Variants in NFASC observed in about 807,000 individuals in gnomAD.
NFASC encodes the protein neurofascin homolog.
NFASC carries 43 observed loss-of-function variants against 147.5 expected under a neutral mutation model. That is an observed-to-expected ratio of 0.29 (90% CI 0.23 to 0.38). The LOEUF (loss-of-function observed/expected upper bound fraction) is 0.38. Ranked by LOEUF, NFASC falls within the 10% of genes least tolerant of loss-of-function variation. The pLI is 1.00. For missense variants in NFASC, 1,320 were observed against 1,689.0 expected (o/e 0.78, Z 3.83); for synonymous variants, 622 against 665.5 (o/e 0.93, Z 1.01).
intron 1 of NFASC, among the ~76,000 whole-genome samples, chr1:204,830,564 A>G (rs1671910058): frequency 6.6e-6 from 1 of 151,488 alleles, no homozygotes; most frequent in African/African-American, 2.4e-5. Flanking sequence ...TTTGGATTCA[A>G]CTGAAGGGGT....
intron 1 of NFASC, among the ~76,000 whole-genome samples, chr1:204,898,479 T>C (rs2083834813): frequency 6.6e-6 from 1 of 152,152 alleles, no homozygotes; most frequent in Admixed American, 6.5e-5. Flanking sequence ...GAAGTAGACC[T>C]CTCTCTGAGG....
Position 205,015,554 on chromosome 1 carries a change from C to T in NFASC, c.3492-754C>T, listed in dbSNP as rs571325502. ...TTACTCGGCAGCCTCCCAGCTCTCCCTGCACAAGGGGAGCTTAGGGTCAGG... is the reference window on the plus strand; with the variant it reads ...TTACTCGGCAGCCTCCCAGCTCTCCTTGCACAAGGGGAGCTTAGGGTCAGG... On this transcript the variant is annotated intron_variant, in intron 29 of 29. Coordinates refer to ENST00000339876, the MANE Select transcript of NFASC (RefSeq NM_001005388.3). This position sits in a 1 kb window ranked among gnomAD's most constrained non-coding sequence, Gnocchi z 4.0. 6.6e-6 allele frequency among the ~76,000 whole-genome samples: 1 copy of T among 152,268 alleles called. No homozygotes were observed. Among genetic ancestry groups the T allele is most frequent in the South Asian group, 2.1e-4 (1 of 4,824 alleles).
At chr1:204,874,537 G>A (rs541048570) in intron 1 of NFASC, among the ~76,000 whole-genome samples, 4 of 152,256 alleles carry the variant, frequency 2.6e-5, no homozygotes, top group East Asian at 1.9e-4. Context: ...CCCTGCCCCC[G>A]GTTCCCATTC....
At chr1:204,864,120 CAT>C (rs2076925696) in intron 1 of NFASC, among the ~76,000 whole-genome samples, 1 of 152,214 alleles carries the variant, frequency 6.6e-6, no homozygotes, top group African/African-American at 2.4e-5. Context: ...TAAATGGAAT[CAT>C]ACAGTATTTG....
chr1:204,869,976 A>G (rs905670182), intron 1 of NFASC, among the ~76,000 whole-genome samples: 1 of 152,236 alleles, frequency 6.6e-6, no homozygotes, highest in African/African-American at 2.4e-5. Flanking sequence ...AATGAAGGGT[A>G]TAAACATTTT....
At chr1:204,911,591 T>G (rs1195729343) in intron 1 of NFASC, among the ~76,000 whole-genome samples, 1 of 152,158 alleles carries the variant, frequency 6.6e-6, no homozygotes, top group African/African-American at 2.4e-5. Context: ...TGTTTCATCT[T>G]CTTTTTAAAT....
At chr1:204,924,556 C>T (rs954419552) in intron 2 of NFASC, among the ~76,000 whole-genome samples, 2 of 152,168 alleles carry the variant, frequency 1.3e-5, no homozygotes, top group African/African-American at 4.8e-5. Context: ...GGGTGGAGTG[C>T]TTTGCTTGTA....
chr1:205,008,556 G>A (rs1449092620), intron 27 of NFASC: 1 of 152,322 alleles, frequency 6.6e-6, no homozygotes, highest in Non-Finnish European at 1.5e-5. Flanking sequence ...TTGTTCTCCA[G>A]CCGGTAGAAA....
At position 205,001,212 on chromosome 1, in the gene NFASC, A is replaced by G. The variant is rs752814963; in HGVS notation, c.3062A>G (p.Asn1021Ser). ...ATATGGAACGTCACGGTGCTCCCCA[A>G]CAGTAAATGGGCCAACATCACCTGG... ...QSIWNVTVLP[N>S]SKWANITWKH... is the part of the protein sequence containing the mutation. Residue 1021 changes from asparagine (N) to serine (S), a missense_variant, in exon 26 of 30, where the codon AAC becomes AGC. By Grantham distance (46) the Asn-to-Ser change is conservative. Around this residue, in one of 3 missense-constraint regions of NFASC, gnomAD observed 172 missense variants for 165.8 expected, o/e 1.04. Transcript: ENST00000339876. The G allele has an allele frequency of 9.3e-6, 15 of 1,612,578 alleles. No individual in the cohort carries two copies. The highest frequency in any genetic ancestry group is 5.0e-5 in the Admixed American group (3 of 59,848).
chr1:205,003,943 G>A (rs780232986), intron 27 of NFASC, among the ~76,000 whole-genome samples: 5 of 151,698 alleles, frequency 3.3e-5, no homozygotes, highest in Admixed American at 6.6e-5. Context: ...TCTGAGAGTC[G>A]GGCTCCCTGA....
At chr1:204,965,030 G>A (rs142716906) in intron 8 of NFASC, among the ~76,000 whole-genome samples, 10 of 152,332 alleles carry the variant, frequency 6.6e-5, no homozygotes, top group East Asian at 5.8e-4. Context: ...CACAGCTTAC[G>A]AGAGCAGGAG....
chr1:204,911,086 T>A (rs534521185), intron 1 of NFASC, among the ~76,000 whole-genome samples: 1 of 152,204 alleles, frequency 6.6e-6, no homozygotes, highest in African/African-American at 2.4e-5. Flanking sequence ...AAACGTTTTT[T>A]AAAAAATCAC....
At position 204,954,459 on chromosome 1, in the gene NFASC, C is replaced by T; in HGVS notation, c.412+75C>T. The T allele has an allele frequency of 3.3e-5, 47 of 1,424,860 alleles. No homozygotes were observed. The highest frequency in any genetic ancestry group is 4.2e-5 in the Non-Finnish European group (44 of 1,037,298). 88.3% of individuals were successfully genotyped at this position (1,424,860 alleles called of 1,614,324 possible). On this transcript the variant is annotated intron_variant, in intron 6 of 29. Coordinates refer to ENST00000339876, the MANE Select transcript of NFASC (RefSeq NM_001005388.3). This position sits in a 1 kb window ranked among gnomAD's most constrained non-coding sequence, Gnocchi z 5.7. Reference sequence around the variant, plus strand: ...GAGTGGGGGGTGTGGAAGGCCATTCCAGAAGGGCTGCCCCTGCCCTTGGCC... The same window carrying T: ...GAGTGGGGGGTGTGGAAGGCCATTCTAGAAGGGCTGCCCCTGCCCTTGGCC...
intron 7 of NFASC, among the ~76,000 whole-genome samples, chr1:204,957,074 G>T (rs186069968): frequency 3.9e-5 from 6 of 152,308 alleles, no homozygotes; most frequent in African/African-American, 1.4e-4. Flanking sequence ...GTTATAATCA[G>T]TAGTGCTTTC....
At chr1:204,889,867 C>A (rs1000692183) in intron 1 of NFASC, among the ~76,000 whole-genome samples, 19 of 152,214 alleles carry the variant, frequency 1.2e-4, no homozygotes, top group Non-Finnish European at 1.6e-4. Context: ...AACATCAGTG[C>A]TTGCAGCAAA....
At chr1:205,006,053 C>A (rs1309766042) in intron 27 of NFASC, among the ~76,000 whole-genome samples, 1 of 152,200 alleles carries the variant, frequency 6.6e-6, no homozygotes, top group African/African-American at 2.4e-5. Context: ...GACGCACAAA[C>A]CAACCTCCTT....
Position 204,954,463 on chromosome 1 carries a change from A to G in NFASC, c.412+79A>G, listed in dbSNP as rs1351840235. 6.5e-6 allele frequency: 9 copies of G among 1,393,072 alleles called. No homozygotes were observed. The highest frequency in any genetic ancestry group is 8.9e-6 in the Non-Finnish European group (9 of 1,012,370). The allele number at this position is 1,393,072 out of a possible 1,614,324, so 86.3% of individuals were successfully genotyped here. ...GGGGGGTGTGGAAGGCCATTCCAGA[A>G]GGGCTGCCCCTGCCCTTGGCCTGCA... On this transcript the variant is annotated intron_variant, in intron 6 of 29. Transcript: ENST00000339876. The surrounding 1 kb of genome is among the most constrained non-coding windows in gnomAD (Gnocchi z 5.7).
chr1:204,994,138 T>C (rs948357324), intron 24 of NFASC, among the ~76,000 whole-genome samples: 1 of 152,132 alleles, frequency 6.6e-6, no homozygotes, highest in East Asian at 1.9e-4. Context: ...GTAACTTCAA[T>C]GGTGGGAGCC....
chr1:204,870,682 C>T, intron 1 of NFASC: 1 of 1,080,256 alleles, frequency 9.3e-7, no homozygotes, highest in South Asian at 2.8e-5. Flanking sequence ...AGCGAGTGAG[C>T]AAGCCGGCCG....
Sources: allele counts gnomAD v4.1 joint callset (sites outside exome capture counted in the v4.1 genomes callset), GRCh38; gene constraint gnomAD v4.1.1; regional missense constraint gnomAD v4.1.1; non-coding constraint Gnocchi (gnomAD v3.1); transcripts MANE v1.5; gene names NCBI Gene and HGNC (gene_info 2026-07-23, HGNC 2026-07-21).